Variants in FRMD5 observed in about 807,000 individuals in gnomAD.
The protein encoded by FRMD5 is FERM domain containing 5.
In FRMD5, 20 loss-of-function variants were observed where a neutral mutation model predicts 69.0. That is an observed-to-expected ratio of 0.29 (90% CI 0.20 to 0.42). FRMD5 has a LOEUF of 0.42. Ranked by LOEUF, FRMD5 falls within the 10% of genes least tolerant of loss-of-function variation. The pLI is 1.00. For missense variants in FRMD5, 595 were observed against 708.6 expected (o/e 0.84, Z 1.82); for synonymous variants, 271 against 260.1 (o/e 1.04, Z -0.40).
intron 4 of FRMD5, among the ~76,000 whole-genome samples, chr15:43,911,886 T>C (rs1348745011): frequency 6.6e-6 from 1 of 151,860 alleles, no homozygotes; most frequent in East Asian, 1.9e-4. Context: ...TTCTAGGAGG[T>C]GGTAGGAAGG....
intron 1 of FRMD5, among the ~76,000 whole-genome samples, chr15:44,023,509 A>G (rs1354513003): frequency 6.6e-6 from 1 of 152,190 alleles, no homozygotes; most frequent in East Asian, 1.9e-4. Context: ...TGTGGGAAAG[A>G]GCCTGTTTTA....
intron 1 of FRMD5, among the ~76,000 whole-genome samples, chr15:44,060,886 A>T (rs1221920607): frequency 6.6e-6 from 1 of 152,236 alleles, no homozygotes; most frequent in Non-Finnish European, 1.5e-5. Flanking sequence ...AACATTTTAT[A>T]TCCCTTAAAA....
intron 1 of FRMD5, among the ~76,000 whole-genome samples, chr15:44,071,152 T>C (rs969191846): frequency 6.6e-5 from 10 of 152,230 alleles, no homozygotes; most frequent in African/African-American, 2.4e-4. Flanking sequence ...CTTTTACTTA[T>C]GTCTTTGCCC....
At chr15:44,054,733 T>C (rs1892800610) in intron 1 of FRMD5, among the ~76,000 whole-genome samples, 1 of 152,124 alleles carries the variant, frequency 6.6e-6, no homozygotes, top group Non-Finnish European at 1.5e-5. Flanking sequence ...AAAAAGGTAA[T>C]ACCAGAATCA....
chr15:43,940,790 A>G (rs2140486983), intron 1 of FRMD5, among the ~76,000 whole-genome samples: 1 of 152,318 alleles, frequency 6.6e-6, no homozygotes, highest in Middle Eastern at 3.4e-3. Context: ...GTGAATGAGA[A>G]TTAGGAATGG....
intron 1 of FRMD5, among the ~76,000 whole-genome samples, chr15:44,002,141 C>T (rs1488930479): frequency 6.6e-6 from 1 of 152,146 alleles, no homozygotes; most frequent in Admixed American, 6.5e-5. Context: ...GTCCCAGGCC[C>T]ATCTTACCCT....
chr15:44,076,397 G>C (rs1893766852), intron 1 of FRMD5, among the ~76,000 whole-genome samples: 2 of 147,928 alleles, frequency 1.4e-5, no homozygotes, highest in Non-Finnish European at 3.0e-5. Context: ...TGATAGACTG[G>C]ATTAAGAAAA....
chr15:43,989,836 T>C, intron 1 of FRMD5: 1 of 1,018,152 alleles, frequency 9.8e-7, no homozygotes, highest in South Asian at 1.3e-5. Flanking sequence ...CATCTTCTTG[T>C]GGTTGGCCTT....
chr15:44,117,104 T>TAA lies in FRMD5; in HGVS notation c.102+77847_102+77848dup, dbSNP rs577483761. On this transcript the variant is annotated intron_variant, in intron 1 of 13. Coordinates refer to ENST00000417257, the MANE Select transcript of FRMD5 (RefSeq NM_032892.5). ...TGAGCGACAGAACAAGACTCCGTCT[T>TAA]AAAAAAAAAAAAAAAGTGTGAATGC... 4.9e-3 allele frequency among the ~76,000 whole-genome samples: 665 copies of TAA among 135,968 alleles called. 1 individual carries two copies. The highest frequency in any genetic ancestry group is 0.017 in the South Asian group (70 of 4,190). The allele number at this position is 135,968 out of a possible 152,430, so 89.2% of individuals were successfully genotyped here.
chr15:43,888,075 G>A, intron 10 of FRMD5, 100 bp downstream of exon 10: 1 of 874,416 alleles, frequency 1.1e-6, no homozygotes, highest in Non-Finnish European at 1.8e-6. Context: ...CCCACTTCCA[G>A]CTACCCCGCC....
chr15:43,900,275 C>T (rs2089013430), intron 7 of FRMD5, among the ~76,000 whole-genome samples: 2 of 152,160 alleles, frequency 1.3e-5, no homozygotes, highest in African/African-American at 4.8e-5. Context: ...GGGTGCCCTG[C>T]TAACAGTATT....
At chr15:44,086,257 T>C (rs1188690559) in intron 1 of FRMD5, among the ~76,000 whole-genome samples, 1 of 152,162 alleles carries the variant, frequency 6.6e-6, no homozygotes, top group Non-Finnish European at 1.5e-5. Flanking sequence ...AATACTTACA[T>C]ATGAATGTTT....
intron 1 of FRMD5, among the ~76,000 whole-genome samples, chr15:43,941,005 A>T (rs898945314): frequency 6.6e-6 from 1 of 152,188 alleles, no homozygotes; most frequent in Non-Finnish European, 1.5e-5. Flanking sequence ...CCTATGTTTT[A>T]AAAAAATGTT....
intron 1 of FRMD5, among the ~76,000 whole-genome samples, chr15:43,944,179 A>C (rs2089907084): frequency 6.6e-6 from 1 of 152,206 alleles, no homozygotes; most frequent in Non-Finnish European, 1.5e-5. Context: ...AAGGCACTGC[A>C]TCTGGCAAGA....
At chr15:44,130,901 G>A (rs146607119) in intron 1 of FRMD5, among the ~76,000 whole-genome samples, 2,098 of 152,228 alleles carry the variant, frequency 0.014, 25 homozygotes, top group Middle Eastern at 0.048. Context: ...CACAGTAATA[G>A]CAGTAGCAAA....
At chr15:44,075,863 G>A (rs1282787122) in intron 1 of FRMD5, among the ~76,000 whole-genome samples, 1 of 152,160 alleles carries the variant, frequency 6.6e-6, no homozygotes, top group East Asian at 1.9e-4. Flanking sequence ...CATTCTAACT[G>A]GTGTGAGATG....
intron 1 of FRMD5, among the ~76,000 whole-genome samples, chr15:44,116,984 G>A (rs1436123434): frequency 1.3e-5 from 2 of 151,526 alleles, no homozygotes; most frequent in Non-Finnish European, 1.5e-5. Context: ...CAGGGGGTGG[G>A]GCAGGGGGGT....
intron 1 of FRMD5, among the ~76,000 whole-genome samples, chr15:44,082,274 G>A (rs1894027927): frequency 6.6e-6 from 1 of 151,844 alleles, no homozygotes; most frequent in Admixed American, 6.6e-5. Context: ...TCTGCTAATC[G>A]AGAATAAGTC....
intron 4 of FRMD5, among the ~76,000 whole-genome samples, chr15:43,913,890 C>G (rs141747451): frequency 6.6e-6 from 1 of 152,364 alleles, no homozygotes; most frequent in African/African-American, 2.4e-5. Flanking sequence ...GAGAGATATT[C>G]TCACTGAGAC....
Sources: allele counts gnomAD v4.1 joint callset (sites outside exome capture counted in the v4.1 genomes callset), GRCh38; gene constraint gnomAD v4.1.1; transcripts MANE v1.5; gene names NCBI Gene and HGNC (gene_info 2026-07-23, HGNC 2026-07-21).